The following LRRC4C variants were observed in gnomAD, a reference collection of about 807,000 sequenced individuals.
LRRC4C encodes the protein leucine-rich repeat-containing protein 4C.
A neutral mutation model predicts 33.6 loss-of-function variants in LRRC4C; 5 were observed. The observed-to-expected ratio is 0.15, with a 90% CI of 0.08 to 0.31. LRRC4C has a LOEUF of 0.31. Among genes scored for constraint, LRRC4C ranks in the 10% least tolerant of loss-of-function variants. The probability of loss-of-function intolerance (pLI) is 1.00; values close to 1 mark genes in which losing one functional copy is unlikely to be tolerated. For synonymous variants in LRRC4C, 329 were observed against 302.0 expected (o/e 1.09, Z -0.93); for missense variants, 560 against 796.7 (o/e 0.70, Z 3.58).
chr11:40,219,518 A>G (rs533841329), intron 5 of LRRC4C, among the ~76,000 whole-genome samples: 1 of 152,322 alleles, frequency 6.6e-6, no homozygotes, highest in Non-Finnish European at 1.5e-5. Flanking sequence ...CTGTTAAATG[A>G]GTAAATTGAT....
intron 1 of LRRC4C, among the ~76,000 whole-genome samples, chr11:41,147,027 A>T (rs1473249241): frequency 1.3e-5 from 2 of 152,252 alleles, no homozygotes; most frequent in Non-Finnish European, 2.9e-5. Flanking sequence ...TCCAGTTTTT[A>T]AAAAATCACC....
At chr11:40,548,400 A>G (rs1009911184) in intron 3 of LRRC4C, among the ~76,000 whole-genome samples, 2 of 152,106 alleles carry the variant, frequency 1.3e-5, no homozygotes, top group Non-Finnish European at 2.9e-5. Flanking sequence ...CAGATCACAC[A>G]TAGAGGGAAG....
intron 4 of LRRC4C, among the ~76,000 whole-genome samples, chr11:40,285,501 C>A (rs570302382): frequency 2.6e-5 from 4 of 152,152 alleles, no homozygotes; most frequent in Non-Finnish European, 4.4e-5. Context: ...TTAGCATTGA[C>A]CATATTTCTC....
At chr11:40,969,335 T>A (rs986534429) in intron 1 of LRRC4C, among the ~76,000 whole-genome samples, 1 of 152,116 alleles carries the variant, frequency 6.6e-6, no homozygotes, top group Admixed American at 6.6e-5. Flanking sequence ...CTGGTGAAGA[T>A]GCTGTGAATA....
intron 1 of LRRC4C, among the ~76,000 whole-genome samples, chr11:41,280,175 A>C (rs1271243747): frequency 6.6e-6 from 1 of 152,192 alleles, no homozygotes; most frequent in East Asian, 1.9e-4. Flanking sequence ...TATTTGTTGA[A>C]GGAATAAATG....
chr11:41,372,094 G>T (rs190511966), intron 1 of LRRC4C, among the ~76,000 whole-genome samples: 2 of 152,344 alleles, frequency 1.3e-5, no homozygotes, highest in Non-Finnish European at 2.9e-5. Flanking sequence ...CCAAGATCGT[G>T]CCACTGCACT....
chr11:41,427,820 A>G (rs1179410074), intron 1 of LRRC4C, among the ~76,000 whole-genome samples: 48 of 152,108 alleles, frequency 3.2e-4, no homozygotes, highest in Admixed American at 3.1e-3. Context: ...CCACAAAAGA[A>G]GTGAAAATGG....
intron 2 of LRRC4C, among the ~76,000 whole-genome samples, chr11:40,744,050 A>G (rs1055919019): frequency 6.6e-6 from 1 of 152,116 alleles, no homozygotes; most frequent in African/African-American, 2.4e-5. Flanking sequence ...TTATTTATTT[A>G]GATTCTTATG....
intron 1 of LRRC4C, among the ~76,000 whole-genome samples, chr11:41,434,016 G>T (rs939002245): frequency 6.6e-6 from 1 of 151,938 alleles, no homozygotes; most frequent in South Asian, 2.1e-4. Context: ...ACTAAATATT[G>T]TCAGATGGAG....
At chr11:40,480,544 G>T (rs930507961) in intron 3 of LRRC4C, among the ~76,000 whole-genome samples, 1 of 151,770 alleles carries the variant, frequency 6.6e-6, no homozygotes, top group Non-Finnish European at 1.5e-5. Flanking sequence ...CCTGGGTGAT[G>T]AAATAATCTG....
chr11:40,258,449 T>C (rs1056847002), intron 4 of LRRC4C, among the ~76,000 whole-genome samples: 1 of 152,200 alleles, frequency 6.6e-6, no homozygotes, highest in Admixed American at 6.6e-5. Flanking sequence ...ATATAATTTA[T>C]TTCATATATG....
intron 2 of LRRC4C, among the ~76,000 whole-genome samples, chr11:40,791,587 T>C (rs1197796943): frequency 6.6e-6 from 1 of 152,184 alleles, no homozygotes; most frequent in Non-Finnish European, 1.5e-5. Flanking sequence ...AGGGGTTAGG[T>C]TCTGGTTGAA....
chr11:40,157,233 A>G (rs984626463), intron 5 of LRRC4C, among the ~76,000 whole-genome samples: 1 of 152,136 alleles, frequency 6.6e-6, no homozygotes, highest in African/African-American at 2.4e-5. Flanking sequence ...CTGGATCCTC[A>G]TCTCTCACCT....
chr11:41,011,997 A>G (rs1422446347), intron 1 of LRRC4C, among the ~76,000 whole-genome samples: 1 of 149,676 alleles, frequency 6.7e-6, no homozygotes, highest in African/African-American at 2.5e-5. Context: ...GGGACATGGG[A>G]TAATTAAATA....
chr11:41,341,816 C>T (rs1951648347), intron 1 of LRRC4C, among the ~76,000 whole-genome samples: 1 of 152,210 alleles, frequency 6.6e-6, no homozygotes, highest in African/African-American at 2.4e-5. Context: ...TAATCTCTAT[C>T]TTCTCAGCAG....
At chr11:40,231,785 A>G (rs1565164425) in intron 5 of LRRC4C, among the ~76,000 whole-genome samples, 2 of 152,218 alleles carry the variant, frequency 1.3e-5, no homozygotes, top group Non-Finnish European at 2.9e-5. Flanking sequence ...CACAGTTTAT[A>G]TTTCACATAG....
chr11:40,370,517 G>A (rs1948406510), intron 3 of LRRC4C, among the ~76,000 whole-genome samples: 1 of 152,136 alleles, frequency 6.6e-6, no homozygotes, highest in Admixed American at 6.6e-5. Flanking sequence ...TACTTAATAT[G>A]TATTTTAAAC....
intron 1 of LRRC4C, among the ~76,000 whole-genome samples, chr11:41,303,190 C>A (rs1169965065): frequency 1.3e-5 from 2 of 149,468 alleles, no homozygotes; most frequent in East Asian, 4.0e-4. Context: ...CTCACTGCAA[C>A]CTCCCTGCCT....
chr11:41,260,402 A>G (rs1948942378), intron 1 of LRRC4C, among the ~76,000 whole-genome samples: 1 of 152,016 alleles, frequency 6.6e-6, no homozygotes, highest in Admixed American at 6.6e-5. Context: ...AATAAAGATA[A>G]AGAAATGAAA....
Sources: allele counts gnomAD v4.1 joint callset (sites outside exome capture counted in the v4.1 genomes callset), GRCh38; gene constraint gnomAD v4.1.1; transcripts MANE v1.5; gene names NCBI Gene and HGNC (gene_info 2026-07-23, HGNC 2026-07-21).